The following GRAMD1C variants were observed in gnomAD, a reference collection of about 807,000 sequenced individuals.
GRAMD1C encodes protein Aster-C.
In GRAMD1C, 89 loss-of-function variants were observed where a neutral mutation model predicts 97.8. That is an observed-to-expected ratio of 0.91 (90% CI 0.77 to 1.09). GRAMD1C has a LOEUF of 1.09. Ranked by LOEUF, GRAMD1C falls within the 50% of genes least tolerant of loss-of-function variation. GRAMD1C has a pLI of 0.00. For missense variants in GRAMD1C, 740 were observed against 766.4 expected, an observed-to-expected ratio of 0.97 and a Z score of 0.41; for synonymous variants, 256 against 267.0, an observed-to-expected ratio of 0.96 and a Z score of 0.40.
chr3:113,894,314 T>C (rs1468532473), intron 6 of GRAMD1C, among the ~76,000 whole-genome samples: 4 of 152,104 alleles, frequency 2.6e-5, no homozygotes, highest in Non-Finnish European at 4.4e-5. Context: ...AGTCTTGCTC[T>C]GTTGCCCAGG....
intron 6 of GRAMD1C, among the ~76,000 whole-genome samples, chr3:113,898,135 G>A (rs1936010036): frequency 1.3e-5 from 2 of 152,026 alleles, no homozygotes; most frequent in South Asian, 4.1e-4. Context: ...CTTCCTGCTA[G>A]TATTTAATAC....
chr3:113,920,241 T>C, intron 10 of GRAMD1C: 1 of 967,678 alleles, frequency 1.0e-6, no homozygotes, highest in Non-Finnish European at 1.5e-6. Context: ...CAAATTCCTG[T>C]AACCATTGAG....
At chr3:113,918,055 C>G (rs112695356) in intron 10 of GRAMD1C, among the ~76,000 whole-genome samples, 1 of 151,850 alleles carries the variant, frequency 6.6e-6, no homozygotes. Flanking sequence ...TACTAGGAAC[C>G]AAAATCAATT....
chr3:113,929,522 A>G (rs1246420769), intron 10 of GRAMD1C, among the ~76,000 whole-genome samples: 1 of 152,248 alleles, frequency 6.6e-6, no homozygotes, highest in African/African-American at 2.4e-5. Context: ...ATTAAATTAC[A>G]TCTTTAAATT....
At chr3:113,840,079 G>C (rs1466916385) in intron 1 of GRAMD1C, among the ~76,000 whole-genome samples, 1 of 152,084 alleles carries the variant, frequency 6.6e-6, no homozygotes, top group Non-Finnish European at 1.5e-5. Context: ...CCATTCTTCT[G>C]CCTCAGACTC....
At chr3:113,934,903 C>T (rs1937548075) in intron 13 of GRAMD1C, among the ~76,000 whole-genome samples, 1 of 151,908 alleles carries the variant, frequency 6.6e-6, no homozygotes, top group African/African-American at 2.4e-5. Context: ...GCCACCACAC[C>T]CGGCTAATTT....
At chr3:113,856,603 G>T (rs925253486) in intron 2 of GRAMD1C, among the ~76,000 whole-genome samples, 1 of 152,116 alleles carries the variant, frequency 6.6e-6, no homozygotes, top group Non-Finnish European at 1.5e-5. Context: ...GCAGTGGTGC[G>T]ATCTCAGCTC....
At chr3:113,935,110 G>T (rs898267488) in intron 13 of GRAMD1C, among the ~76,000 whole-genome samples, 4 of 152,084 alleles carry the variant, frequency 2.6e-5, no homozygotes, top group African/African-American at 9.7e-5. Context: ...GTGCTTTACA[G>T]ATATTAACTC....
chr3:113,830,867 G>A (rs1020359993), intron 1 of GRAMD1C, among the ~76,000 whole-genome samples: 17 of 152,194 alleles, frequency 1.1e-4, no homozygotes, highest in African/African-American at 3.6e-4. Context: ...GGGAGGCCAA[G>A]GCGGGTGGGT....
intron 5 of GRAMD1C, among the ~76,000 whole-genome samples, chr3:113,882,483 A>T (rs1327484583): frequency 6.6e-6 from 1 of 152,194 alleles, no homozygotes; most frequent in Non-Finnish European, 1.5e-5. Context: ...AAACATAAAT[A>T]GCTACCTATT....
chr3:113,907,601 C>A (rs1936415801), intron 8 of GRAMD1C, among the ~76,000 whole-genome samples: 1 of 152,082 alleles, frequency 6.6e-6, no homozygotes. Context: ...CTCATTTTCA[C>A]TTCTAACAAA....
intron 15 of GRAMD1C, chr3:113,938,423 G>T: frequency 4.0e-6 from 1 of 250,296 alleles, no homozygotes. Context: ...AGGTTTTTAT[G>T]GGAAGTTCCA....
At chr3:113,847,777 G>C (rs1423855546) in intron 2 of GRAMD1C, among the ~76,000 whole-genome samples, 1 of 152,206 alleles carries the variant, frequency 6.6e-6, no homozygotes, top group African/African-American at 2.4e-5. Flanking sequence ...GAGCCCAGGA[G>C]TTTGAATCCA....
chr3:113,832,001 A>G (rs749974751), intron 1 of GRAMD1C, among the ~76,000 whole-genome samples: 23 of 151,322 alleles, frequency 1.5e-4, no homozygotes, highest in Non-Finnish European at 2.5e-4. Flanking sequence ...TTTTTTGTTG[A>G]AAACTGGACA....
intron 2 of GRAMD1C, among the ~76,000 whole-genome samples, chr3:113,865,705 T>C (rs1934557159): frequency 1.3e-5 from 2 of 152,208 alleles, no homozygotes; most frequent in African/African-American, 2.4e-5. Flanking sequence ...TTTGTTTACA[T>C]GTGTATTAGA....
At position 113,933,599 on chromosome 3, in the gene GRAMD1C, A is replaced by G. The variant is rs762781771; in HGVS notation, c.1298A>G (p.Tyr433Cys). The change falls in exon 12 of 18, where the codon TAT (tyrosine) becomes TGT (cysteine). Residue 433 changes from tyrosine (Y) to cysteine (C), a missense_variant. Coordinates refer to ENST00000358160, the MANE Select transcript of GRAMD1C (RefSeq NM_017577.5). ...THDVPYHDYFYTVNRYCIIRS... is the reference protein window; with the variant it reads ...THDVPYHDYFCTVNRYCIIRS... ...GATGTCCCCTACCATGATTACTTCT[A>G]TACCGTGAACAGATACTGTATCATC... 3.1e-6 allele frequency: 5 copies of G among 1,605,522 alleles called. No homozygotes were observed. The highest frequency in any genetic ancestry group is 4.3e-6 in the Non-Finnish European group (5 of 1,172,160).
upstream of GRAMD1C, among the ~76,000 whole-genome samples, chr3:113,834,002 A>T (rs1343067002): frequency 1.3e-5 from 2 of 152,162 alleles, no homozygotes; most frequent in Admixed American, 6.5e-5. Flanking sequence ...TTTATTGATG[A>T]TGATTTGTTT....
At chr3:113,902,208 T>C (rs975976400) in intron 7 of GRAMD1C, among the ~76,000 whole-genome samples, 4 of 152,270 alleles carry the variant, frequency 2.6e-5, no homozygotes, top group Non-Finnish European at 5.9e-5. Flanking sequence ...GAAATTTTAC[T>C]CATCTAGGTA....
In GRAMD1C at chr3:113,940,372, T is replaced by G. The variant is rs548605574; in HGVS notation, c.1908+27T>G. The G allele has an allele frequency of 7.2e-6, 8 of 1,105,738 alleles. No homozygotes were observed. In the South Asian group the frequency reaches 1.0e-4, roughly 14 times the overall value. The allele number at this position is 1,105,738 out of a possible 1,614,324, so 68.5% of individuals were successfully genotyped here. ...TAGGCAACTCGATACATCACAGTAC[T>G]TAGTATCTTTGTCCCAGTATGAATT... is the stretch of plus-strand genomic sequence containing the variant. On this transcript the variant is annotated intron_variant, in intron 17 of 17. Transcript: ENST00000358160.
Sources: allele counts gnomAD v4.1 joint callset (sites outside exome capture counted in the v4.1 genomes callset), GRCh38; gene constraint gnomAD v4.1.1; transcripts MANE v1.5; gene names NCBI Gene and HGNC (gene_info 2026-07-23, HGNC 2026-07-21).